Variants in COPB1 observed in about 807,000 individuals in gnomAD.
The protein encoded by COPB1 is coat protein complex I subunit beta 1.
In COPB1, 21 loss-of-function variants were observed where a neutral mutation model predicts 108.7. The ratio of observed to expected loss-of-function variants is 0.19; its 90% CI spans 0.14 to 0.28. The LOEUF (loss-of-function observed/expected upper bound fraction) is 0.28, where lower values mean the gene tolerates loss of function less well. Ranked by LOEUF, COPB1 falls within the 10% of genes least tolerant of loss-of-function variation. COPB1 has a pLI of 1.00. For missense variants in COPB1, 919 were observed against 1,141.3 expected (o/e 0.81, Z 2.81); for synonymous variants, 378 against 386.8 (o/e 0.98, Z 0.27).
At chr11:14,479,012 A>G (rs1418850156) in intron 11 of COPB1, 1 of 151,136 alleles carries the variant, frequency 6.6e-6, no homozygotes, top group Non-Finnish European at 1.5e-5. Flanking sequence ...TTCTTCTCAC[A>G]AAGGAAGCAA....
At position 14,481,032 on chromosome 11, in the gene COPB1, C is replaced by T. The variant is rs759994605; in HGVS notation, c.1023G>A (p.Leu341=). The T allele has an allele frequency of 4.3e-6, 7 of 1,613,834 alleles. No homozygotes were observed. The highest frequency in any genetic ancestry group is 4.2e-6 in the Non-Finnish European group (5 of 1,179,952). The part of the protein sequence containing the change: ...TPDLEVRKKT[L]QLALDLVSSR... ...AAGAGACAAGATCCAGTGCTAACTG[C>T]AGAGTTTTCTTTCGTACTTCTAAGT... The change falls in exon 9 of 22, where the codon CTG becomes CTA. Residue 341 remains leucine, a synonymous_variant. Transcript: ENST00000439561.
intron 2 of COPB1, among the ~76,000 whole-genome samples, chr11:14,498,383 A>G (rs947198532): frequency 6.6e-6 from 1 of 152,252 alleles, no homozygotes; most frequent in African/African-American, 2.4e-5. Flanking sequence ...ATGAAAAGGT[A>G]AACTTTTCTG....
At chr11:14,461,915 A>G (rs1366807827) in intron 18 of COPB1, among the ~76,000 whole-genome samples, 1 of 152,192 alleles carries the variant, frequency 6.6e-6, no homozygotes, top group Non-Finnish European at 1.5e-5. Context: ...TGCATTACCT[A>G]TACACATCTT....
intron 13 of COPB1, among the ~76,000 whole-genome samples, chr11:14,474,921 C>A (rs990567405): frequency 6.6e-6 from 1 of 151,768 alleles, no homozygotes; most frequent in African/African-American, 2.4e-5. Context: ...CATGGTGAAA[C>A]CCCGTCTCTA....
intron 17 of COPB1, 75 bp downstream of exon 17, chr11:14,466,207 C>T: frequency 1.5e-6 from 2 of 1,372,512 alleles, no homozygotes; most frequent in South Asian, 3.0e-5. Context: ...TATACTGAAA[C>T]CTGTGCACCT....
At chr11:14,460,119 T>C in intron 20 of COPB1, 89 bp downstream of exon 20, 1 of 786,160 alleles carries the variant, frequency 1.3e-6, no homozygotes, top group Non-Finnish European at 2.2e-6. Flanking sequence ...GCATATTGAA[T>C]AACAAAAATG....
chr11:14,481,046 G>C lies in COPB1; in HGVS notation c.1009C>G (p.Arg337Gly). ...AGTGCTAACTGCAGAGTTTTCTTTC[G>C]TACTTCTAAGTCTGGTGTGCTCAAT... ...RVLSTPDLEV[R>G]KKTLQLALDL... Residue 337 changes from arginine (R) to glycine (G), a missense_variant, in exon 9 of 22, where the codon CGA (arginine) becomes GGA (glycine). Coordinates refer to ENST00000439561, the MANE Select transcript of COPB1 (RefSeq NM_001144061.2). 1.2e-6 allele frequency: 2 copies of C among 1,613,684 alleles called. No homozygotes were observed. The highest frequency in any genetic ancestry group is 1.7e-6 in the Non-Finnish European group (2 of 1,179,904).
chr11:14,494,388 A>G lies in COPB1; in HGVS notation c.143T>C (p.Met48Thr). The G allele has an allele frequency of 1.2e-6, 2 of 1,612,280 alleles. No individual in the cohort carries two copies. The highest frequency in any genetic ancestry group is 1.7e-6 in the Non-Finnish European group (2 of 1,178,750). ...KTEALKKVIIMILNGEKLPGL... is the reference protein window; with the variant it reads ...KTEALKKVIITILNGEKLPGL... The stretch of plus-strand genomic sequence containing the variant: ...AGGAAGTTTTTCACCATTCAGAATC[A>G]TAATGATTACTTTCTTCAAAGCTTC... The change falls in exon 3 of 22, where the codon ATG (methionine) becomes ACG (threonine). Residue 48 changes from methionine to threonine, a missense_variant. This residue lies in a region of COPB1 where 92 missense variants were observed against 108.4 expected (regional missense o/e 0.85). Coordinates refer to ENST00000439561, the MANE Select transcript of COPB1 (RefSeq NM_001144061.2).
At chr11:14,495,343 C>T (rs1342607705) in intron 2 of COPB1, among the ~76,000 whole-genome samples, 3 of 152,092 alleles carry the variant, frequency 2.0e-5, no homozygotes, top group Non-Finnish European at 4.4e-5. Context: ...TCTTCAATAA[C>T]CTTAGGGCCA....
intron 5 of COPB1, among the ~76,000 whole-genome samples, chr11:14,489,184 C>T (rs989632751): frequency 6.6e-5 from 10 of 152,164 alleles, no homozygotes; most frequent in African/African-American, 1.7e-4. Context: ...TACCACTTCA[C>T]GTGCCCATTA....
chr11:14,486,185 T>C (rs1313483048), intron 7 of COPB1, among the ~76,000 whole-genome samples, 182 bp downstream of exon 7: 1 of 152,156 alleles, frequency 6.6e-6, no homozygotes, highest in Non-Finnish European at 1.5e-5. Flanking sequence ...TATGTGTGTA[T>C]GAAAGCAGGA....
chr11:14,466,356 A>G lies in COPB1; in HGVS notation c.2216T>C (p.Ile739Thr), dbSNP rs762855301. Residue 739 changes from isoleucine (I) to threonine (T), a missense_variant, in exon 17 of 22, where the codon ATT (isoleucine) becomes ACT (threonine). Around this residue, in one of 5 missense-constraint regions of COPB1, gnomAD observed 705 missense variants for 817.8 expected, o/e 0.86. Coordinates refer to ENST00000439561, the MANE Select transcript of COPB1 (RefSeq NM_001144061.2). ...GTTCACAACAAGTACATCCAGGACA[A>G]TATCATATTGGTTGACATGAACGTA... ...EAYVHVNQYD[I>T]VLDVLVVNQT... 2 of 1,613,654 alleles carry G rather than the reference A, an allele frequency of 1.2e-6. No homozygotes were observed. The highest frequency in any genetic ancestry group is 1.1e-5 in the South Asian group (1 of 91,078).
chr11:14,466,162 G>C (rs1423267514), intron 17 of COPB1, 120 bp downstream of exon 17: 2 of 970,694 alleles, frequency 2.1e-6, no homozygotes, highest in African/African-American at 3.3e-5. Flanking sequence ...ACTAAGCCTT[G>C]ATTCAAAATG....
chr11:14,457,882 C>G lies in COPB1; in HGVS notation c.2804G>C (p.Gly935Ala). 6.4e-7 allele frequency: 1 copy of G among 1,557,308 alleles called. No homozygotes were observed. The highest frequency in any genetic ancestry group is 1.2e-5 in the South Asian group (1 of 84,820). The stretch of plus-strand genomic sequence containing the variant: ...TTTATCTCCAAGACTTAAGGCCATT[C>G]CCTGTAAAGAAAAATTAAGATATTT... ...GHIRIRAKSQ[G>A]MALSLGDKIN... The change falls in exon 22 of 22, where the codon GGA becomes GCA. Residue 935 changes from glycine to alanine, a missense_variant and splice_region_variant. Gly to Ala is a moderately conservative substitution (Grantham distance 60, BLOSUM62 0). Coordinates refer to ENST00000439561, the MANE Select transcript of COPB1 (RefSeq NM_001144061.2).
chr11:14,487,712 A>AG (rs1850807237), intron 6 of COPB1, among the ~76,000 whole-genome samples: 1 of 151,918 alleles, frequency 6.6e-6, no homozygotes, highest in African/African-American at 2.4e-5. Context: ...ACAAAAAAAA[A>AG]CTGTACAGTA....
In COPB1 at chr11:14,467,575, GAT is replaced by G. The variant is rs796285928; in HGVS notation, c.2145+1104_2145+1105del. Among the ~76,000 whole-genome samples, 6 of 152,306 alleles carry G rather than the reference GAT, an allele frequency of 3.9e-5. No individual in the cohort carries two copies. The South Asian group carries it at 6.2e-4, about 16-fold the overall frequency. On this transcript the variant is annotated intron_variant, in intron 16 of 21. Coordinates refer to ENST00000439561, the MANE Select transcript of COPB1 (RefSeq NM_001144061.2). ...AGAACTAAAAGCAGGGACTTGAACA[GAT>G]ATTTGTACATCTGTGTTAACAGCAG... is the stretch of plus-strand genomic sequence containing the variant.
chr11:14,467,497 A>G (rs752594020), intron 16 of COPB1, among the ~76,000 whole-genome samples: 1 of 152,218 alleles, frequency 6.6e-6, no homozygotes, highest in Non-Finnish European at 1.5e-5. Context: ...CAAAAAATTA[A>G]AAGTACAATT....
At chr11:14,460,179 G>C (rs778045297) in intron 20 of COPB1, 29 bp downstream of exon 20, 4 of 1,432,576 alleles carry the variant, frequency 2.8e-6, no homozygotes, top group African/African-American at 2.8e-5. Context: ...CATTCCATCA[G>C]ATTTCTGAAT....
At chr11:14,499,594 C>A (rs1285464823) in intron 1 of COPB1, 113 bp downstream of exon 1, 1 of 150,696 alleles carries the variant, frequency 6.6e-6, no homozygotes, top group Admixed American at 6.6e-5. Flanking sequence ...CCCGCACCCC[C>A]ACCCGTACCC....
Sources: gnomAD v4.1 joint callset for allele counts (sites outside exome capture counted in the v4.1 genomes callset) on GRCh38, gnomAD v4.1.1 for gene constraint, gnomAD v4.1.1 regional missense constraint, MANE v1.5 for transcripts, NCBI Gene and HGNC (gene_info 2026-07-23, HGNC 2026-07-21) for gene names.